SLC2A7: variants seen among roughly 807,000 people sequenced by gnomAD.
The protein encoded by SLC2A7 is solute carrier family 2, facilitated glucose transporter member 7.
SLC2A7 carries 50 observed loss-of-function variants against 50.5 expected under a neutral mutation model. The ratio of observed to expected loss-of-function variants is 0.99; its 90% CI spans 0.79 to 1.25. The LOEUF (loss-of-function observed/expected upper bound fraction) is 1.25. Ranked by LOEUF, SLC2A7 falls within the 50% of genes most tolerant of loss-of-function variation. SLC2A7 has a pLI of 0.00. For missense variants in SLC2A7, 683 were observed against 679.1 expected, an observed-to-expected ratio of 1.01 and a Z score of -0.06; for synonymous variants, 308 against 300.4, an observed-to-expected ratio of 1.03 and a Z score of -0.26.
At chr1:9,006,604 T>C (rs57628014) in intron 10 of SLC2A7, among the ~76,000 whole-genome samples, 9,942 of 152,276 alleles carry the variant, frequency 0.065, 1,053 homozygotes, top group African/African-American at 0.23. Context: ...CTCATTCATG[T>C]GCCTGACACA....
intron 4 of SLC2A7, among the ~76,000 whole-genome samples, 170 bp downstream of exon 4, chr1:9,019,039 T>C (rs1489166892): frequency 1.3e-5 from 2 of 152,022 alleles, no homozygotes; most frequent in Non-Finnish European, 2.9e-5. Flanking sequence ...ACTAATTAAT[T>C]AATTAAGAAA....
At chr1:9,020,258 G>A (rs554705692) in intron 3 of SLC2A7, among the ~76,000 whole-genome samples, 10 of 152,308 alleles carry the variant, frequency 6.6e-5, no homozygotes, top group African/African-American at 2.4e-4. Context: ...GTCCCAGGAG[G>A]TAGAGAGCTT....
chr1:9,015,079 G>T (rs757588064), intron 6 of SLC2A7, 38 bp downstream of exon 6: 2 of 1,610,278 alleles, frequency 1.2e-6, no homozygotes, highest in African/African-American at 2.7e-5. Flanking sequence ...GGCCCCCGGG[G>T]TGGGCAGGGC....
At position 9,023,835 on chromosome 1, in the gene SLC2A7, CTTCTTTTTTTT is replaced by C. The variant is rs1640953251; in HGVS notation, c.151-768_151-758del. Among the ~76,000 whole-genome samples, 20 of 65,996 alleles carry C rather than the reference CTTCTTTTTTTT, an allele frequency of 3.0e-4. 1 individual carries two copies. The highest frequency in any genetic ancestry group is 6.7e-4 in the South Asian group (1 of 1,484). The allele number at this position is 65,996 out of a possible 152,430, so 43.3% of individuals were successfully genotyped here. On this transcript the variant is annotated intron_variant, in intron 2 of 11. Coordinates refer to ENST00000400906, the MANE Select transcript of SLC2A7 (RefSeq NM_207420.3). ...CAGAGGCACCATAGGAAATATTCTT[CTTCTTTTTTTT>C]TTTTTTTTTTTTTTTTTTTTTTTTT...
chr1:9,003,901 A>T (rs555345729), intron 11 of SLC2A7, among the ~76,000 whole-genome samples: 3 of 151,996 alleles, frequency 2.0e-5, no homozygotes, highest in Admixed American at 2.0e-4. Flanking sequence ...AACAACAAAT[A>T]ACCAATGCTG....
intron 11 of SLC2A7, among the ~76,000 whole-genome samples, 196 bp from the exon 12 acceptor site, chr1:9,003,714 T>C (rs1296459665): frequency 1.3e-5 from 2 of 152,046 alleles, no homozygotes; most frequent in Non-Finnish European, 2.9e-5. Context: ...AAAAATTAGC[T>C]GAGCATGGTG....
In SLC2A7 at chr1:9,008,581, G is replaced by A. The variant is rs557385977; in HGVS notation, c.1117-1196C>T. The stretch of plus-strand genomic sequence containing the variant: ...TTTTCACTTCCTAGAATCCCTAAAG[G>A]TTCTGCTAAGAACTTATATTGGTTT... On this transcript the variant is annotated intron_variant, in intron 9 of 11. Transcript: ENST00000400906. The surrounding 1 kb of genome is among the most constrained non-coding windows in gnomAD (Gnocchi z 5.9). 4.0e-5 allele frequency among the ~76,000 whole-genome samples: 6 copies of A among 148,702 alleles called. No individual in the cohort carries two copies. The East Asian group carries it at 6.0e-4, about 15-fold the overall frequency.
intron 2 of SLC2A7, 42 bp downstream of exon 2, chr1:9,024,931 CGGT>C: frequency 6.3e-7 from 1 of 1,595,902 alleles, no homozygotes; most frequent in Non-Finnish European, 8.6e-7. Context: ...CCCACGACCC[CGGT>C]CAGCTGCTGC....
intron 10 of SLC2A7, among the ~76,000 whole-genome samples, 200 bp downstream of exon 10, chr1:9,007,110 G>C (rs1010753574): frequency 1.3e-5 from 2 of 152,230 alleles, no homozygotes; most frequent in Non-Finnish European, 2.9e-5. Flanking sequence ...GTGGGGCGCT[G>C]GCCTGGCTGG....
intron 10 of SLC2A7, among the ~76,000 whole-genome samples, chr1:9,005,781 C>T (rs1371636449): frequency 2.3e-5 from 1 of 42,634 alleles, no homozygotes; most frequent in Non-Finnish European, 5.5e-5. Context: ...GACTCCAACT[C>T]AAAAAAAAAA....
chr1:9,006,053 T>C (rs1208793805), intron 10 of SLC2A7, among the ~76,000 whole-genome samples: 1 of 152,158 alleles, frequency 6.6e-6, no homozygotes, highest in Admixed American at 6.5e-5. Flanking sequence ...GATCAGCCCA[T>C]GCTCTGACCT....
chr1:9,023,148 G>T, intron 2 of SLC2A7, 70 bp from the exon 3 acceptor site: 1 of 1,513,944 alleles, frequency 6.6e-7, no homozygotes, highest in Non-Finnish European at 9.0e-7. Flanking sequence ...AGTGTTCTCA[G>T]TGGCCACTTG....
intron 4 of SLC2A7, 87 bp from the exon 5 acceptor site, chr1:9,018,462 G>A: frequency 6.5e-7 from 1 of 1,532,998 alleles, no homozygotes; most frequent in Admixed American, 1.9e-5. Flanking sequence ...TAATCCCGGG[G>A]CTTCTCCATG....
chr1:8,994,633 C>T, the SLC2A7 span, among the ~76,000 whole-genome samples: 14 of 152,220 alleles, frequency 9.2e-5, no homozygotes, highest in East Asian at 1.5e-3. Context: ...TGGCAGGTGA[C>T]GGAAGGGAAT....
chr1:9,020,138 G>A (rs538614423), intron 3 of SLC2A7, among the ~76,000 whole-genome samples: 11 of 152,296 alleles, frequency 7.2e-5, no homozygotes, highest in African/African-American at 2.6e-4. Context: ...CGAATGGGCA[G>A]ACGTCCCAGG....
chr1:9,016,573 C>T (rs1436057726), intron 5 of SLC2A7, among the ~76,000 whole-genome samples: 1 of 151,160 alleles, frequency 6.6e-6, no homozygotes, highest in Non-Finnish European at 1.5e-5. Flanking sequence ...CGCACCACTG[C>T]ACTCCAGCCT....
intron 9 of SLC2A7, 83 bp downstream of exon 9, chr1:9,010,060 T>C: frequency 7.5e-7 from 1 of 1,332,714 alleles, no homozygotes; most frequent in Non-Finnish European, 1.0e-6. Flanking sequence ...ACCAACCACT[T>C]GGTGCAGCGG....
the SLC2A7 span, among the ~76,000 whole-genome samples, chr1:8,996,970 G>T: frequency 2.0e-5 from 3 of 151,966 alleles, no homozygotes; most frequent in Non-Finnish European, 2.9e-5. Flanking sequence ...TAGAGACGGG[G>T]TTTCACCATG....
intron 8 of SLC2A7, among the ~76,000 whole-genome samples, chr1:9,013,320 G>A (rs66638515): frequency 0.15 from 22,833 of 152,198 alleles, 2,114 homozygotes; most frequent in Admixed American, 0.2. Flanking sequence ...GTGAGCCGCC[G>A]CGCCCGGCCG....
Sources: allele counts gnomAD v4.1 joint callset (sites outside exome capture counted in the v4.1 genomes callset), GRCh38; gene constraint gnomAD v4.1.1; non-coding constraint Gnocchi (gnomAD v3.1); transcripts MANE v1.5; gene names NCBI Gene and HGNC (gene_info 2026-07-23, HGNC 2026-07-21).